The following KAZN variants were observed in gnomAD, a reference collection of about 807,000 sequenced individuals.
KAZN encodes the protein kazrin, periplakin interacting protein, also known as kazrin.
In KAZN, 40 loss-of-function variants were observed where a neutral mutation model predicts 87.4. The ratio of observed to expected loss-of-function variants is 0.46; its 90% CI spans 0.36 to 0.60. The LOEUF is 0.60. KAZN is among the 20% of genes least tolerant of loss of function. The pLI is 0.00. For missense variants in KAZN, 898 were observed against 1,073.9 expected, an observed-to-expected ratio of 0.84 and a Z score of 2.29; for synonymous variants, 466 against 458.3, an observed-to-expected ratio of 1.02 and a Z score of -0.22.
At chr1:14,251,252 A>C (rs1650004067) in intron 2 of KAZN, among the ~76,000 whole-genome samples, 1 of 152,176 alleles carries the variant, frequency 6.6e-6, no homozygotes, top group Admixed American at 6.5e-5. Flanking sequence ...CTCTTACATG[A>C]GGAAGAGGCT....
rs558725215 is a variant in KAZN at position 14,409,414 on chromosome 1, G to GT, written c.250-189569_250-189568insT. ...GGAGGAAAACCACCTACCTGCCCAG[G>GT]AAGACAACAAGAGCGCTTGAGTTCC... is the stretch of plus-strand genomic sequence containing the variant. On this transcript the variant is annotated intron_variant, in intron 2 of 16. Transcript: ENST00000636203. Among the ~76,000 whole-genome samples, 14 of 152,282 alleles carry GT rather than the reference G, an allele frequency of 9.2e-5. No individual in the cohort carries two copies. The East Asian group carries it at 1.7e-3, about 19-fold the overall frequency.
intron 1 of KAZN, among the ~76,000 whole-genome samples, chr1:14,077,888 A>G (rs1033640241): frequency 2.6e-5 from 4 of 151,980 alleles, no homozygotes; most frequent in Non-Finnish European, 5.9e-5. Context: ...TCTCCAAGCC[A>G]GGGAATGCCA....
rs556059545 is a variant in KAZN, at chr1:15,005,280, G to A, written c.419-29469G>A. On this transcript the variant is annotated intron_variant, in intron 2 of 14. Transcript: ENST00000376030. ...TGCTGGGCATGGACCCAGCCCCTAG[G>A]AGTCCAGTCTGACTCATTACAGACC... Among the ~76,000 whole-genome samples the A allele has an allele frequency of 1.3e-4, 20 of 152,268 alleles. No individual in the cohort carries two copies. The East Asian group carries it at 3.7e-3, about 28-fold the overall frequency.
intron 1 of KAZN, among the ~76,000 whole-genome samples, chr1:14,935,757 T>C (rs542289763): frequency 6.6e-6 from 1 of 152,312 alleles, no homozygotes; most frequent in Non-Finnish European, 1.5e-5. Flanking sequence ...GGCCCTTCTA[T>C]GCCTAGGGGC....
At chr1:14,419,890 A>T (rs899834344) in intron 2 of KAZN, among the ~76,000 whole-genome samples, 1 of 152,162 alleles carries the variant, frequency 6.6e-6, no homozygotes, top group Non-Finnish European at 1.5e-5. Flanking sequence ...GTGAGACCCC[A>T]AAGAGCGAGC....
At chr1:13,973,173 C>T (rs541003312) in intron 1 of KAZN, among the ~76,000 whole-genome samples, 1 of 152,256 alleles carries the variant, frequency 6.6e-6, no homozygotes, top group Admixed American at 6.5e-5. Context: ...TCACATTATT[C>T]CAGACGATGT....
At chr1:14,349,865 G>A (rs1055821928) in intron 2 of KAZN, among the ~76,000 whole-genome samples, 5 of 152,126 alleles carry the variant, frequency 3.3e-5, no homozygotes, top group African/African-American at 4.8e-5. Context: ...GGCCCGGTGC[G>A]GTGGCTCACG....
intron 1 of KAZN, among the ~76,000 whole-genome samples, chr1:14,754,499 G>T (rs1347246939): frequency 6.6e-6 from 1 of 152,096 alleles, no homozygotes; most frequent in Non-Finnish European, 1.5e-5. Flanking sequence ...CAGGCATGGT[G>T]GTGGGCGCCT....
chr1:15,034,855 C>T lies in KAZN; in HGVS notation c.525C>T (p.Asp175=). The change falls in exon 3 of 15, where the codon GAC becomes GAT. Residue 175 remains aspartate (D), a synonymous_variant. Transcript: ENST00000376030. ...AGAGCCGCGAGGAGCAGCTCCGAGA[C>T]TTCATCCGCAACTATGAGCAGCACC... ...TLESREEQLR[D]FIRNYEQHRK... is the part of the protein sequence containing the mutation. 6.2e-7 allele frequency: 1 copy of T among 1,614,014 alleles called. No individual in the cohort carries two copies. Among genetic ancestry groups the T allele is most frequent in the Non-Finnish European group, 8.5e-7 (1 of 1,179,950 alleles).
intron 1 of KAZN, among the ~76,000 whole-genome samples, chr1:14,143,770 T>G (rs1015623713): frequency 6.6e-6 from 1 of 151,866 alleles, no homozygotes; most frequent in Admixed American, 6.6e-5. Context: ...CAGGCTGGAG[T>G]ACAGTGGTGT....
At chr1:14,078,412 T>G (rs1222830434) in intron 1 of KAZN, among the ~76,000 whole-genome samples, 1 of 152,238 alleles carries the variant, frequency 6.6e-6, no homozygotes, top group Non-Finnish European at 1.5e-5. Flanking sequence ...TGAACTTCAG[T>G]TTCCCTATCT....
intron 2 of KAZN, among the ~76,000 whole-genome samples, chr1:14,428,100 A>G (rs923139652): frequency 1.3e-5 from 2 of 152,218 alleles, no homozygotes; most frequent in African/African-American, 4.8e-5. Context: ...AGGTTCCTAA[A>G]TGCTGTACAT....
At chr1:14,424,712 A>G (rs1366743589) in intron 2 of KAZN, among the ~76,000 whole-genome samples, 1 of 152,198 alleles carries the variant, frequency 6.6e-6, no homozygotes, top group African/African-American at 2.4e-5. Flanking sequence ...CCATTTTCTC[A>G]TCTAACTACG....
At chr1:14,559,829 G>T (rs990247846) in intron 2 of KAZN, among the ~76,000 whole-genome samples, 3 of 152,190 alleles carry the variant, frequency 2.0e-5, no homozygotes, top group African/African-American at 7.2e-5. Context: ...CCTTGATGAA[G>T]TCACTCACCC....
intron 1 of KAZN, among the ~76,000 whole-genome samples, chr1:14,144,739 A>T (rs1280469605): frequency 6.6e-6 from 1 of 152,182 alleles, no homozygotes; most frequent in Non-Finnish European, 1.5e-5. Flanking sequence ...GCTTTAACTC[A>T]CAGTAGAAAG....
At chr1:14,080,721 AT>A (rs1477887851) in intron 1 of KAZN, among the ~76,000 whole-genome samples, 1 of 152,236 alleles carries the variant, frequency 6.6e-6, no homozygotes, top group African/African-American at 2.4e-5. Context: ...TCGGTAGCAC[AT>A]AGAGCTTTGA....
At chr1:14,137,619 A>G (rs1645135378) in intron 1 of KAZN, among the ~76,000 whole-genome samples, 2 of 151,724 alleles carry the variant, frequency 1.3e-5, no homozygotes, top group South Asian at 4.2e-4. Context: ...TCAGGGGATG[A>G]CCACAGAGAT....
chr1:13,979,838 G>A (rs981407335), intron 1 of KAZN, among the ~76,000 whole-genome samples: 1 of 150,900 alleles, frequency 6.6e-6, no homozygotes, highest in African/African-American at 2.4e-5. Flanking sequence ...GGCTGAGGCA[G>A]GAGAATGGCG....
intron 2 of KAZN, among the ~76,000 whole-genome samples, chr1:14,288,184 C>A (rs1417951435): frequency 6.6e-6 from 1 of 152,170 alleles, no homozygotes; most frequent in East Asian, 1.9e-4. Flanking sequence ...CAGGATGATG[C>A]TGGCCTCATA....
Sources: allele counts gnomAD v4.1 joint callset (sites outside exome capture counted in the v4.1 genomes callset), GRCh38; gene constraint gnomAD v4.1.1; transcripts MANE v1.5; gene names NCBI Gene and HGNC (gene_info 2026-07-23, HGNC 2026-07-21).